The following EPHA10 variants were observed in gnomAD, a reference collection of about 807,000 sequenced individuals.
EPHA10 encodes EPH receptor A10.
A neutral mutation model predicts 109.7 loss-of-function variants in EPHA10; 120 were observed. That is an observed-to-expected ratio of 1.09 (90% CI 0.94 to 1.27). The LOEUF (loss-of-function observed/expected upper bound fraction) is 1.27. Ranked by LOEUF, EPHA10 falls within the 50% of genes most tolerant of loss-of-function variation. The pLI is 0.00. For synonymous variants in EPHA10, 640 were observed against 618.9 expected (o/e 1.03, Z -0.51); for missense variants, 1,396 against 1,411.1 (o/e 0.99, Z 0.17).
intron 5 of EPHA10, among the ~76,000 whole-genome samples, chr1:37,751,242 G>A (rs11264099): frequency 4.0e-4 from 50 of 124,088 alleles, no homozygotes; most frequent in South Asian, 8.1e-4. Context: ...AAAAGAAAAA[G>A]AAAAAAAAAA....
chr1:37,763,788 T>C (rs1261647012), intron 1 of EPHA10, among the ~76,000 whole-genome samples: 3 of 152,172 alleles, frequency 2.0e-5, no homozygotes, highest in Non-Finnish European at 4.4e-5. Flanking sequence ...GACTTGAACA[T>C]TTTTAGACTG....
At chr1:37,742,084 T>A (rs1456915738) in intron 5 of EPHA10, among the ~76,000 whole-genome samples, 1 of 152,148 alleles carries the variant, frequency 6.6e-6, no homozygotes, top group Non-Finnish European at 1.5e-5. Flanking sequence ...CCATCTCAGC[T>A]CCGAAGAGAT....
chr1:37,735,791 C>T (rs1285319069), intron 5 of EPHA10, among the ~76,000 whole-genome samples: 3 of 152,024 alleles, frequency 2.0e-5, no homozygotes, highest in Non-Finnish European at 4.4e-5. Flanking sequence ...CTTAACGATT[C>T]CAATGGTCTG....
At chr1:37,715,806 G>T (rs1645681783), downstream of EPHA10, 2 of 477,678 alleles carry the variant, frequency 4.2e-6, no homozygotes, top group Non-Finnish European at 8.2e-6. Flanking sequence ...ACACCGTCCT[G>T]CCATGGATCC....
chr1:37,735,462 G>C, intron 5 of EPHA10, 72 bp from the exon 6 acceptor site: 1 of 1,507,340 alleles, frequency 6.6e-7, no homozygotes, highest in Non-Finnish European at 8.9e-7. Flanking sequence ...GGGGAAGAGG[G>C]TGCGGCGTGC....
At chr1:37,731,701 C>A in intron 6 of EPHA10, 119 bp from the exon 7 acceptor site, 1 of 1,112,500 alleles carries the variant, frequency 9.0e-7, no homozygotes, top group African/African-American at 1.6e-5. Flanking sequence ...GGGCTGAGTG[C>A]GAAAACCCAA....
rs764173313 is a variant in EPHA10, at chr1:37,722,525, G to C, written c.1960+516C>G. On this transcript the variant is annotated intron_variant, in intron 10 of 16. Coordinates refer to ENST00000373048, the MANE Select transcript of EPHA10 (RefSeq NM_001099439.2). Reference sequence around the variant, plus strand: ...TAGTCAGGAAGAAAGGCTAGCAGAAGACTGGCCCTTAGAGAGCAAGCGCCG... The same window carrying C: ...TAGTCAGGAAGAAAGGCTAGCAGAACACTGGCCCTTAGAGAGCAAGCGCCG... Among the ~76,000 whole-genome samples, 31 of 152,338 alleles carry C rather than the reference G, an allele frequency of 2.0e-4. 1 individual carries two copies. The highest frequency in any genetic ancestry group is 4.3e-4 in the Non-Finnish European group (29 of 68,026).
chr1:37,718,508 C>G (rs374586932), intron 16 of EPHA10, 22 bp from the exon 17 acceptor site: 1 of 1,612,862 alleles, frequency 6.2e-7, no homozygotes, highest in African/African-American at 1.3e-5. Context: ...GCTGGTCACA[C>G]TCGGCTGGCT....
At chr1:37,738,781 A>G (rs1431686002) in intron 5 of EPHA10, among the ~76,000 whole-genome samples, 1 of 152,218 alleles carries the variant, frequency 6.6e-6, no homozygotes, top group Non-Finnish European at 1.5e-5. Context: ...AAATGGATAA[A>G]GAAAATATGG....
downstream of EPHA10, chr1:37,714,067 C>T (rs753115445): frequency 6.6e-6 from 1 of 152,134 alleles, no homozygotes; most frequent in Non-Finnish European, 1.5e-5. Flanking sequence ...TCCAGTTAGC[C>T]TTATCAAAGA....
In EPHA10 at chr1:37,752,984, G is replaced by A; in HGVS notation, c.1249C>T (p.Pro417Ser). The change falls in exon 5 of 17, where the codon CCC becomes TCC. Residue 417 changes from proline (P) to serine (S), a missense_variant. Coordinates refer to ENST00000373048, the MANE Select transcript of EPHA10 (RefSeq NM_001099439.2). ...ERAATLLHLR[P>S]GARYTVRVAA... ...ACGCGCACGGTGTAGCGCGCGCCGG[G>A]CCGCAGGTGCAGCAGCGTGGCGGCT... 1.6e-6 allele frequency: 2 copies of A among 1,251,668 alleles called. No individual in the cohort carries two copies. Among genetic ancestry groups the A allele is most frequent in the South Asian group, 2.7e-5 (1 of 37,252 alleles). 77.5% of individuals were successfully genotyped at this position (1,251,668 alleles called of 1,614,324 possible).
chr1:37,760,375 G>T (rs563839735), intron 3 of EPHA10: 4 of 1,053,316 alleles, frequency 3.8e-6, no homozygotes, highest in African/African-American at 3.3e-5. Flanking sequence ...AGAATGAGAG[G>T]TCTGTTCCTA....
At chr1:37,763,850 G>T (rs1472249388) in intron 1 of EPHA10, among the ~76,000 whole-genome samples, 3 of 152,192 alleles carry the variant, frequency 2.0e-5, no homozygotes, top group African/African-American at 4.8e-5. Context: ...AACAACTGGA[G>T]AAATAAAATC....
intron 5 of EPHA10, among the ~76,000 whole-genome samples, chr1:37,749,452 C>T (rs1646290149): frequency 6.6e-6 from 1 of 151,646 alleles, no homozygotes; most frequent in Non-Finnish European, 1.5e-5. Context: ...GCGGGTGGAT[C>T]ACCTGACGTC....
At position 37,716,027 on chromosome 1, in the gene EPHA10, C is replaced by T. The variant is rs1247785181; in HGVS notation, c.*2345G>A. On this transcript the variant is annotated 3_prime_UTR_variant, in exon 17 of 17. Transcript: ENST00000373048. The stretch of plus-strand genomic sequence containing the variant: ...ATAGAGAACCCAAGAAATATAAAAA[C>T]ATCTCCAGAAGGAACCCCCTCCGAC... 1 of 577,594 alleles carries T rather than the reference C, an allele frequency of 1.7e-6. No individual in the cohort carries two copies. The highest frequency in any genetic ancestry group is 3.3e-6 in the Non-Finnish European group (1 of 300,146). 35.8% of individuals were successfully genotyped at this position (577,594 alleles called of 1,614,324 possible).
intron 3 of EPHA10, 103 bp downstream of exon 3, chr1:37,761,302 G>A: frequency 2.6e-6 from 4 of 1,540,432 alleles, no homozygotes; most frequent in South Asian, 1.2e-5. Flanking sequence ...CTTCTCCACC[G>A]CCCCCCGACC....
rs1646380125 is a variant in EPHA10, at chr1:37,754,829, C to T, written c.851-459G>A. 6.6e-6 allele frequency among the ~76,000 whole-genome samples: 1 copy of T among 151,896 alleles called. No homozygotes were observed. Among genetic ancestry groups the T allele is most frequent in the Non-Finnish European group, 1.5e-5 (1 of 67,980 alleles). The stretch of plus-strand genomic sequence containing the variant: ...TTTTTCTTTTTTCTTTTCGAGTCTC[C>T]TTCTATCACCCAGGCTGGAGTGCAG... On this transcript the variant is annotated intron_variant, in intron 3 of 16. Coordinates refer to ENST00000373048, the MANE Select transcript of EPHA10 (RefSeq NM_001099439.2). The surrounding 1 kb of genome is among the most constrained non-coding windows in gnomAD (Gnocchi z 4.5).
At chr1:37,762,585 C>CTT (rs34513765) in intron 2 of EPHA10, among the ~76,000 whole-genome samples, 200 bp downstream of exon 2, 31,170 of 141,490 alleles carry the variant, frequency 0.22, 3,722 homozygotes, top group East Asian at 0.29. Flanking sequence ...CACTTATTCA[C>CTT]TTTTTTTTTT....
In EPHA10 at chr1:37,716,173, C is replaced by T. The variant is rs1260344906; in HGVS notation, c.*2199G>A. 9.6e-6 allele frequency: 4 copies of T among 417,380 alleles called. No homozygotes were observed. The highest frequency in any genetic ancestry group is 2.0e-5 in the African/African-American group (1 of 49,768). The allele number at this position is 417,380 out of a possible 1,614,324, so 25.9% of individuals were successfully genotyped here. A position where few individuals can be genotyped will look rare whatever the true frequency, so the allele number is the denominator to read the frequency against. On this transcript the variant is annotated 3_prime_UTR_variant, in exon 17 of 17. Coordinates refer to ENST00000373048, the MANE Select transcript of EPHA10 (RefSeq NM_001099439.2). ...GTAGAGGGTTCCCAGAGAGCCATCG[C>T]CCCACATCACATCTGTGCAGGGCTG... is the stretch of plus-strand genomic sequence containing the variant.
Sources: allele counts gnomAD v4.1 joint callset (sites outside exome capture counted in the v4.1 genomes callset), GRCh38; gene constraint gnomAD v4.1.1; non-coding constraint Gnocchi (gnomAD v3.1); transcripts MANE v1.5; gene names NCBI Gene and HGNC (gene_info 2026-07-23, HGNC 2026-07-21).